Variants in UNC5A observed in about 807,000 individuals in gnomAD.
The protein encoded by UNC5A is netrin receptor UNC5A.
In UNC5A, 20 loss-of-function variants were observed where a neutral mutation model predicts 87.4. That is an observed-to-expected ratio of 0.23 (90% CI 0.16 to 0.33). The LOEUF is 0.33. UNC5A is among the 10% of genes least tolerant of loss of function. The pLI is 1.00. For synonymous variants in UNC5A, 438 were observed against 482.3 expected (o/e 0.91, Z 1.20); for missense variants, 844 against 1,133.4 (o/e 0.74, Z 3.67).
At chr5:176,837,058 G>A (rs1757164213) in intron 1 of UNC5A, among the ~76,000 whole-genome samples, 2 of 152,184 alleles carry the variant, frequency 1.3e-5, no homozygotes, top group South Asian at 4.1e-4. Context: ...TGTCTGACGA[G>A]GGTGCCTTCC....
At chr5:176,834,298 C>T (rs888943705) in intron 1 of UNC5A, among the ~76,000 whole-genome samples, 7 of 152,220 alleles carry the variant, frequency 4.6e-5, no homozygotes, top group African/African-American at 1.7e-4. Context: ...GCTCCCAGTT[C>T]CCCAGCCCTA....
intron 1 of UNC5A, among the ~76,000 whole-genome samples, chr5:176,859,826 A>G (rs915813787): frequency 7.9e-5 from 12 of 150,952 alleles, no homozygotes; most frequent in African/African-American, 2.4e-4. Flanking sequence ...TAGCTGCTAG[A>G]ATGTCCTTGC....
Position 176,874,168 on chromosome 5 carries a change from C to T in UNC5A, c.1075+12C>T, listed in dbSNP as rs769291903. 2.6e-5 allele frequency: 42 copies of T among 1,611,528 alleles called. No individual in the cohort carries two copies. The highest frequency in any genetic ancestry group is 5.5e-5 in the South Asian group (5 of 91,012). ...GCCCAGCAAAGCAGGTGAGGGGCCC[C>T]GTGCCCCCAGCACTCCTGCCCCAGC... On this transcript the variant is annotated intron_variant, in intron 7 of 14. Transcript: ENST00000329542. The surrounding 1 kb of genome is among the most constrained non-coding windows in gnomAD (Gnocchi z 7.6).
chr5:176,832,939 G>A (rs1238882139), intron 1 of UNC5A, among the ~76,000 whole-genome samples: 1 of 152,180 alleles, frequency 6.6e-6, no homozygotes, highest in Non-Finnish European at 1.5e-5. Flanking sequence ...GCCAGGGCTT[G>A]GTCAGCCCTT....
At chr5:176,851,853 A>G (rs12651708) in intron 1 of UNC5A, among the ~76,000 whole-genome samples, 43,520 of 152,082 alleles carry the variant, frequency 0.29, 8,242 homozygotes, top group African/African-American at 0.53. Context: ...CCTGGGGAAG[A>G]ACCCGGATGG....
Position 176,874,397 on chromosome 5 carries a change from G to T in UNC5A, c.1209G>T (p.Leu403=), listed in dbSNP as rs1412289884. 1 of 1,613,494 alleles carries T rather than the reference G, an allele frequency of 6.2e-7. No individual in the cohort carries two copies. Among genetic ancestry groups the T allele is most frequent in the South Asian group, 1.1e-5 (1 of 91,056 alleles). The change falls in exon 8 of 15, where the codon CTG becomes CTT. Residue 403 remains leucine, a synonymous_variant. Transcript: ENST00000329542. The surrounding 1 kb of genome is among the most constrained non-coding windows in gnomAD (Gnocchi z 7.6). ...QLTNGHLLSP[L]GGGRHTLHHS... ...CCAATGGGCACCTGCTCAGCCCCCT[G>T]GGTGGCGGCCGCCACACACTGCACC...
Position 176,810,937 on chromosome 5 carries a change from C to A in UNC5A, c.70+117C>A. The A allele has an allele frequency of 1.1e-6, 1 of 936,882 alleles. No homozygotes were observed. The highest frequency in any genetic ancestry group is 1.3e-6 in the Non-Finnish European group (1 of 749,396). 58.0% of individuals were successfully genotyped at this position (936,882 alleles called of 1,614,324 possible). ...GACCCGGCTGGGAGCCCCCCGAGGC[C>A]AAACTTTGCGAGGCGGGACGCGGGG... On this transcript the variant is annotated intron_variant, in intron 1 of 14. Transcript: ENST00000329542. This position sits in a 1 kb window ranked among gnomAD's most constrained non-coding sequence, Gnocchi z 7.3.
chr5:176,868,095 C>T (rs1216017932), intron 2 of UNC5A, 35 bp from the exon 3 acceptor site: 1 of 1,604,284 alleles, frequency 6.2e-7, no homozygotes, highest in Admixed American at 1.7e-5. Flanking sequence ...CAGGGTGGCC[C>T]TGGGGCTCTG....
chr5:176,822,856 G>A (rs543386816), intron 1 of UNC5A, among the ~76,000 whole-genome samples: 9 of 152,348 alleles, frequency 5.9e-5, no homozygotes, highest in South Asian at 2.1e-4. Flanking sequence ...CAGGGCAGCC[G>A]GGAGGCGTGC....
Position 176,878,470 on chromosome 5 carries a change from A to G in UNC5A, c.2020-5A>G. On this transcript the variant is annotated splice_polypyrimidine_tract_variant and splice_region_variant and intron_variant, in intron 12 of 14. Transcript: ENST00000329542. Reference sequence around the variant, plus strand: ...CCTGACACCTCCTCTCTGCATCCCCATCAGGAGATCCCCTTTTATCACATC... The same window carrying G: ...CCTGACACCTCCTCTCTGCATCCCCGTCAGGAGATCCCCTTTTATCACATC... The G allele has an allele frequency of 6.2e-7, 1 of 1,612,178 alleles. No homozygotes were observed. The highest frequency in any genetic ancestry group is 8.5e-7 in the Non-Finnish European group (1 of 1,179,094).
At chr5:176,814,434 C>T (rs1048864740) in intron 1 of UNC5A, among the ~76,000 whole-genome samples, 6 of 152,192 alleles carry the variant, frequency 3.9e-5, no homozygotes, top group Non-Finnish European at 7.4e-5. Flanking sequence ...CCTTGCAAAG[C>T]GTGGTGCCAC....
chr5:176,862,506 G>A, intron 1 of UNC5A, 118 bp from the exon 2 acceptor site: 1 of 962,560 alleles, frequency 1.0e-6, no homozygotes, highest in Non-Finnish European at 1.6e-6. Context: ...ACATGGCAGA[G>A]CCTGGACTCA....
intron 1 of UNC5A, among the ~76,000 whole-genome samples, chr5:176,811,860 A>G (rs1048914095): frequency 1.3e-5 from 2 of 152,222 alleles, no homozygotes; most frequent in South Asian, 2.1e-4. Flanking sequence ...GCCGCTGCTT[A>G]TAACAGGGGT....
In UNC5A at chr5:176,874,498, G is replaced by A; in HGVS notation, c.1310G>A (p.Arg437Gln). Residue 437 changes from arginine to glutamine, a missense_variant, in exon 8 of 15, where the codon CGA becomes CAA. Physicochemically the swap from Arg to Gln is conservative, Grantham distance 43. Coordinates refer to ENST00000329542, the MANE Select transcript of UNC5A (RefSeq NM_133369.3). The surrounding 1 kb of genome is among the most constrained non-coding windows in gnomAD (Gnocchi z 7.6). ...STQNYFRSLPRGTSNMTYGTF... is the reference protein window; with the variant it reads ...STQNYFRSLPQGTSNMTYGTF... ...CAGAACTACTTCCGCTCCCTGCCCC[G>A]AGGCACCAGCAACATGACCTATGGG... The A allele has an allele frequency of 5.0e-6, 8 of 1,609,576 alleles. No individual in the cohort carries two copies. Among genetic ancestry groups the A allele is most frequent in the East Asian group, 2.2e-5 (1 of 44,810 alleles).
intron 4 of UNC5A, 57 bp from the exon 5 acceptor site, chr5:176,868,727 C>A (rs1025967066): frequency 5.0e-6 from 8 of 1,586,886 alleles, no homozygotes; most frequent in South Asian, 1.1e-5. Context: ...CTGGCAGGGG[C>A]CACTCTGGGC....
intron 2 of UNC5A, 44 bp downstream of exon 2, chr5:176,862,889 G>A (rs368058111): frequency 2.0e-4 from 325 of 1,605,198 alleles, no homozygotes; most frequent in African/African-American, 9.0e-4. Context: ...CGGGGGAGGC[G>A]AGTTTCGGCC....
rs562292371 is a variant in UNC5A at position 176,879,632 on chromosome 5, G to C, written c.2364-89G>C. On this transcript the variant is annotated intron_variant, in intron 14 of 14. Transcript: ENST00000329542. ...GGGCAGTCATTGTGTTTGGCTTCGG[G>C]GAGGCCCTGCCCTGGGGTGGGCCAG... 23 of 1,562,250 alleles carry C rather than the reference G, an allele frequency of 1.5e-5. No homozygotes were observed. The African/African-American group carries it at 3.1e-4, about 21-fold the overall frequency.
chr5:176,858,587 G>A (rs1270389966), intron 1 of UNC5A, among the ~76,000 whole-genome samples: 1 of 152,052 alleles, frequency 6.6e-6, no homozygotes, highest in Non-Finnish European at 1.5e-5. Flanking sequence ...ACAGGGAGTG[G>A]TGGGGACTAC....
At chr5:176,816,024 C>T (rs1000122169) in intron 1 of UNC5A, among the ~76,000 whole-genome samples, 1 of 152,186 alleles carries the variant, frequency 6.6e-6, no homozygotes, top group South Asian at 2.1e-4. Context: ...AAATTCTAGT[C>T]CTCTCTCTGC....
Sources: gnomAD v4.1 joint callset for allele counts (sites outside exome capture counted in the v4.1 genomes callset) on GRCh38, gnomAD v4.1.1 for gene constraint, Gnocchi (gnomAD v3.1) non-coding constraint, MANE v1.5 for transcripts, NCBI Gene and HGNC (gene_info 2026-07-23, HGNC 2026-07-21) for gene names.